TASP1: variants seen among roughly 807,000 people sequenced by gnomAD.
The protein encoded by TASP1 is taspase 1.
Under a neutral mutation model 56.6 loss-of-function variants are expected in TASP1, and 16 were observed. The observed-to-expected ratio is 0.28, with a 90% CI of 0.19 to 0.43. The LOEUF (loss-of-function observed/expected upper bound fraction) is 0.43, where lower values mean the gene tolerates loss of function less well. Among genes scored for constraint, TASP1 ranks in the 20% least tolerant of loss-of-function variants. TASP1 has a pLI of 1.00. For missense variants in TASP1, 393 were observed against 511.6 expected (o/e 0.77, Z 2.24); for synonymous variants, 179 against 184.2 (o/e 0.97, Z 0.23).
the TASP1 span, among the ~76,000 whole-genome samples, chr20:13,278,313 T>C: frequency 6.6e-6 from 1 of 152,200 alleles, no homozygotes; most frequent in Non-Finnish European, 1.5e-5. Flanking sequence ...TCCAGGACTA[T>C]CTGCTCTGAC....
chr20:13,351,021 G>C, the TASP1 span, among the ~76,000 whole-genome samples: 1 of 148,954 alleles, frequency 6.7e-6, no homozygotes, highest in Admixed American at 6.7e-5. Context: ...AATTTTAAAA[G>C]AGTTGAACAG....
chr20:13,291,684 G>A, the TASP1 span, among the ~76,000 whole-genome samples: 3 of 152,160 alleles, frequency 2.0e-5, no homozygotes, highest in Admixed American at 6.5e-5. Flanking sequence ...ATTATGAGAA[G>A]CCCAACTTTT....
the TASP1 span, among the ~76,000 whole-genome samples, chr20:13,107,003 A>C: frequency 6.6e-6 from 1 of 152,234 alleles, no homozygotes; most frequent in African/African-American, 2.4e-5. Context: ...AAAATGGGCC[A>C]GTAATGTAGT....
the TASP1 span, among the ~76,000 whole-genome samples, chr20:13,283,668 G>A: frequency 7.1e-3 from 1,077 of 152,254 alleles, 12 homozygotes; most frequent in African/African-American, 0.024. Context: ...GATACTTGGG[G>A]TATCCAGGGC....
At chr20:13,473,560 CTTGT>C (rs552181763) in intron 11 of TASP1, among the ~76,000 whole-genome samples, 57 of 152,180 alleles carry the variant, frequency 3.7e-4, no homozygotes, top group East Asian at 1.4e-3. Flanking sequence ...AGAAAAATTG[CTTGT>C]TTGTTTGTTT....
the TASP1 span, among the ~76,000 whole-genome samples, chr20:13,364,253 T>G: frequency 6.6e-6 from 1 of 152,280 alleles, no homozygotes; most frequent in Non-Finnish European, 1.5e-5. Context: ...TTACCTTTAT[T>G]TAAATAAAGA....
At chr20:13,266,314 T>G in the TASP1 span, among the ~76,000 whole-genome samples, 1 of 152,172 alleles carries the variant, frequency 6.6e-6, no homozygotes, top group East Asian at 1.9e-4. Context: ...ACTATTCCTG[T>G]TTTTGATAAG....
the TASP1 span, among the ~76,000 whole-genome samples, chr20:13,128,144 G>A: frequency 6.6e-6 from 1 of 152,204 alleles, no homozygotes; most frequent in Non-Finnish European, 1.5e-5. Flanking sequence ...ATTGTGTCTG[G>A]AGACAAGTAT....
intron 10 of TASP1, among the ~76,000 whole-genome samples, chr20:13,517,020 C>A (rs1227385984): frequency 6.6e-6 from 1 of 151,996 alleles, no homozygotes; most frequent in Non-Finnish European, 1.5e-5. Context: ...CTAATGGCTG[C>A]AACAACAGTC....
At chr20:13,489,508 G>A (rs1163304331) in intron 10 of TASP1, among the ~76,000 whole-genome samples, 1 of 151,382 alleles carries the variant, frequency 6.6e-6, no homozygotes, top group Non-Finnish European at 1.5e-5. Context: ...CATGGCCACT[G>A]AGTGGGAAAA....
chr20:13,556,708 C>T (rs1455459920), intron 8 of TASP1, among the ~76,000 whole-genome samples: 6 of 152,142 alleles, frequency 3.9e-5, no homozygotes, highest in Non-Finnish European at 5.9e-5. Flanking sequence ...AGGGCCTCTG[C>T]ACATGCAGCT....
downstream of TASP1, among the ~76,000 whole-genome samples, chr20:13,385,053 T>C (rs529465649): frequency 4.6e-5 from 7 of 152,306 alleles, no homozygotes; most frequent in East Asian, 1.3e-3. Context: ...TGGAAGACAT[T>C]AAGAAAAATT....
intron 4 of TASP1, among the ~76,000 whole-genome samples, chr20:13,606,229 A>G (rs1475862961): frequency 1.3e-5 from 2 of 152,124 alleles, no homozygotes; most frequent in Non-Finnish European, 2.9e-5. Flanking sequence ...ATGAAGTGGA[A>G]TATGAAGGGA....
At chr20:13,169,924 T>C in the TASP1 span, among the ~76,000 whole-genome samples, 374 of 152,336 alleles carry the variant, frequency 2.5e-3, 4 homozygotes, top group East Asian at 0.012. Context: ...TAATTTATTC[T>C]TCTTTTCAAC....
At chr20:13,615,794 TG>T (rs1308022786) in intron 4 of TASP1, among the ~76,000 whole-genome samples, 1 of 152,116 alleles carries the variant, frequency 6.6e-6, no homozygotes, top group Admixed American at 6.6e-5. Context: ...TGAGCAACTG[TG>T]CCAGGCCGAG....
chr20:13,292,501 AG>A, the TASP1 span: 1 of 1,257,864 alleles, frequency 7.9e-7, no homozygotes, highest in Non-Finnish European at 1.1e-6. Context: ...ATATTGACTT[AG>A]TGCCTCGGAG....
At chr20:13,294,282 G>A in the TASP1 span, among the ~76,000 whole-genome samples, 4 of 152,276 alleles carry the variant, frequency 2.6e-5, no homozygotes, top group East Asian at 1.9e-4. Context: ...ATTCAGTGTC[G>A]CTAGGGCCTC....
At chr20:13,348,886 G>A in the TASP1 span, among the ~76,000 whole-genome samples, 1 of 152,114 alleles carries the variant, frequency 6.6e-6, no homozygotes. Flanking sequence ...AGCCAATCAA[G>A]CGTATCATAG....
At chr20:13,429,092 T>C (rs571300302) in intron 12 of TASP1, among the ~76,000 whole-genome samples, 1 of 152,312 alleles carries the variant, frequency 6.6e-6, no homozygotes, top group African/African-American at 2.4e-5. Flanking sequence ...CAAAGACCTA[T>C]GATTTATTCC....
Sources: allele counts gnomAD v4.1 joint callset (sites outside exome capture counted in the v4.1 genomes callset), GRCh38; gene constraint gnomAD v4.1.1; transcripts MANE v1.5; gene names NCBI Gene and HGNC (gene_info 2026-07-23, HGNC 2026-07-21).